Variants in FAM227B observed in about 807,000 individuals in gnomAD.
The protein encoded by FAM227B is family with sequence similarity 227 member B.
Under a neutral mutation model 73.8 loss-of-function variants are expected in FAM227B, and 88 were observed. The ratio of observed to expected loss-of-function variants is 1.19; its 90% CI spans 1.00 to 1.42. The LOEUF is 1.42. Among genes scored for constraint, FAM227B ranks in the 40% most tolerant of loss-of-function variants. The pLI is 0.00. For synonymous variants in FAM227B, 210 were observed against 190.5 expected, an observed-to-expected ratio of 1.10 and a Z score of -0.84; for missense variants, 632 against 590.9, an observed-to-expected ratio of 1.07 and a Z score of -0.72.
chr15:49,462,118 CA>C (rs889065102), intron 11 of FAM227B, among the ~76,000 whole-genome samples: 5 of 146,074 alleles, frequency 3.4e-5, no homozygotes, highest in East Asian at 2.0e-4. Context: ...GACTCCATCT[CA>C]AAAAAAAAAT....
intron 3 of FAM227B, among the ~76,000 whole-genome samples, chr15:49,593,621 A>T (rs947342097): frequency 6.6e-6 from 1 of 150,534 alleles, no homozygotes; most frequent in Non-Finnish European, 1.5e-5. Context: ...CCCAAAGTCC[A>T]CTGTAACATT....
At chr15:49,476,936 T>C (rs1416886351) in intron 11 of FAM227B, among the ~76,000 whole-genome samples, 1 of 151,978 alleles carries the variant, frequency 6.6e-6, no homozygotes, top group African/African-American at 2.4e-5. Context: ...GGCGGGTGCC[T>C]GTAGTCCCAG....
chr15:49,331,871 T>C (rs762599095), intron 14 of FAM227B, 22 bp from the exon 15 acceptor site: 106 of 1,469,658 alleles, frequency 7.2e-5, no homozygotes, highest in Non-Finnish European at 9.8e-5. Flanking sequence ...ATAAAGAAAA[T>C]CAGTAACCAA....
chr15:49,469,948 C>T (rs533368371), intron 11 of FAM227B, among the ~76,000 whole-genome samples: 1 of 152,226 alleles, frequency 6.6e-6, no homozygotes, highest in Admixed American at 6.5e-5. Context: ...CTCACCTTCA[C>T]AGTACAATTA....
intron 1 of FAM227B, among the ~76,000 whole-genome samples, chr15:49,616,493 A>G (rs959588370): frequency 2.6e-5 from 4 of 152,102 alleles, no homozygotes; most frequent in African/African-American, 9.7e-5. Flanking sequence ...CCACACACTT[A>G]ACTGATGCTC....
intron 1 of FAM227B, among the ~76,000 whole-genome samples, chr15:49,618,746 T>C (rs1458169766): frequency 6.6e-6 from 1 of 152,058 alleles, no homozygotes; most frequent in East Asian, 1.9e-4. Flanking sequence ...AATTGGAAAA[T>C]CAAGAAACTG....
chr15:49,339,823 C>G (rs890601550), intron 13 of FAM227B, among the ~76,000 whole-genome samples: 2 of 152,098 alleles, frequency 1.3e-5, no homozygotes, highest in African/African-American at 2.4e-5. Context: ...ATGCCCTGCC[C>G]GTAGAGGAAT....
At chr15:49,331,088 A>G (rs2038644196) in intron 15 of FAM227B, 2 of 152,250 alleles carry the variant, frequency 1.3e-5, no homozygotes, top group African/African-American at 4.8e-5. Flanking sequence ...GATTTGATCC[A>G]TTTTTGACAT....
intron 11 of FAM227B, among the ~76,000 whole-genome samples, chr15:49,383,363 CTG>C (rs2046665296): frequency 6.6e-6 from 1 of 152,024 alleles, no homozygotes; most frequent in South Asian, 2.1e-4. Flanking sequence ...CTTCCTGTCT[CTG>C]TGTCAGCATT....
chr15:49,429,932 T>C (rs1290263119), intron 11 of FAM227B, among the ~76,000 whole-genome samples: 1 of 151,958 alleles, frequency 6.6e-6, no homozygotes, highest in African/African-American at 2.4e-5. Context: ...CCACTGCTTA[T>C]GGAGAACAAG....
intron 13 of FAM227B, among the ~76,000 whole-genome samples, chr15:49,366,912 A>G (rs1205254918): frequency 6.6e-6 from 1 of 152,202 alleles, no homozygotes; most frequent in African/African-American, 2.4e-5. Context: ...GAAAAGTTAT[A>G]CTGAAGATAG....
intron 11 of FAM227B, among the ~76,000 whole-genome samples, chr15:49,470,660 T>C (rs2054657776): frequency 6.6e-6 from 1 of 152,152 alleles, no homozygotes. Flanking sequence ...GGCCTGGAAG[T>C]TGAAAAAATG....
chr15:49,410,866 G>T (rs1431784924), intron 11 of FAM227B, among the ~76,000 whole-genome samples: 1 of 151,882 alleles, frequency 6.6e-6, no homozygotes, highest in Non-Finnish European at 1.5e-5. Flanking sequence ...AGACTAGATT[G>T]AAAAAATGAT....
chr15:49,416,354 T>C (rs1437670635), intron 11 of FAM227B, among the ~76,000 whole-genome samples: 3 of 151,758 alleles, frequency 2.0e-5, no homozygotes, highest in African/African-American at 7.3e-5. Context: ...TGACCCAGGG[T>C]TCAAGCTGAT....
At chr15:49,486,376 A>G (rs2056402676) in intron 11 of FAM227B, 1 of 152,006 alleles carries the variant, frequency 6.6e-6, no homozygotes, top group African/African-American at 2.4e-5. Context: ...GGACTTTGCT[A>G]GCTAGGTTTT....
chr15:49,366,613 G>A lies in FAM227B; in HGVS notation c.1271+835C>T, dbSNP rs1217154361. ...ACGCATGCAAGATTGCTTCCTGAGC[G>A]GCTGTCAGCTGGAGCAGGAAGCCCC... is the stretch of plus-strand genomic sequence containing the variant. On this transcript the variant is annotated intron_variant, in intron 13 of 15. Transcript: ENST00000299338. The A allele has an allele frequency of 3.8e-6, 6 of 1,596,502 alleles. No individual in the cohort carries two copies. In the East Asian group the frequency reaches 1.1e-4, roughly 30 times the overall value.
chr15:49,342,403 T>C (rs1054322032), intron 13 of FAM227B, among the ~76,000 whole-genome samples: 1 of 152,182 alleles, frequency 6.6e-6, no homozygotes, highest in South Asian at 2.1e-4. Context: ...GTCCTTTAAT[T>C]TGAGCCTAGG....
chr15:49,454,784 T>G (rs1399344927), intron 11 of FAM227B, among the ~76,000 whole-genome samples: 1 of 152,088 alleles, frequency 6.6e-6, no homozygotes, highest in Non-Finnish European at 1.5e-5. Flanking sequence ...TAAATTTTTG[T>G]ATTTTTAGTA....
At chr15:49,508,082 A>G (rs2058711833) in intron 11 of FAM227B, 129 bp downstream of exon 11, 1 of 902,566 alleles carries the variant, frequency 1.1e-6, no homozygotes. Context: ...TATAACATCA[A>G]TCTATAAATC....
Sources: gnomAD v4.1 joint callset for allele counts (sites outside exome capture counted in the v4.1 genomes callset) on GRCh38, gnomAD v4.1.1 for gene constraint, MANE v1.5 for transcripts, NCBI Gene and HGNC (gene_info 2026-07-23, HGNC 2026-07-21) for gene names.